Variants in SMURF1 observed in about 807,000 individuals in gnomAD.
SMURF1 encodes the protein E3 ubiquitin-protein ligase SMURF1.
A neutral mutation model predicts 98.0 loss-of-function variants in SMURF1; 44 were observed. That is an observed-to-expected ratio of 0.45 (90% CI 0.35 to 0.58). The LOEUF (loss-of-function observed/expected upper bound fraction) is 0.58. SMURF1 is among the 20% of genes least tolerant of loss of function. SMURF1 has a pLI of 0.00. For missense variants in SMURF1, 687 were observed against 938.4 expected (o/e 0.73, Z 3.50); for synonymous variants, 396 against 374.9 (o/e 1.06, Z -0.65).
chr7:99,056,018 A>T (rs975536338), intron 5 of SMURF1, among the ~76,000 whole-genome samples: 3 of 152,246 alleles, frequency 2.0e-5, no homozygotes, highest in African/African-American at 7.2e-5. Flanking sequence ...TGCAAAGTCT[A>T]AGTGAATCTA....
intron 10 of SMURF1, among the ~76,000 whole-genome samples, chr7:99,046,824 A>G (rs2150520191): frequency 6.6e-6 from 1 of 151,974 alleles, no homozygotes; most frequent in South Asian, 2.1e-4. Context: ...TCAGTACTTC[A>G]GCGCTTTTCT....
chr7:99,129,146 AT>A (rs1196235657), intron 1 of SMURF1, among the ~76,000 whole-genome samples: 1 of 152,106 alleles, frequency 6.6e-6, no homozygotes, highest in Middle Eastern at 3.2e-3. Context: ...TTCAAGACAC[AT>A]TTTTTCATAT....
intron 14 of SMURF1, among the ~76,000 whole-genome samples, chr7:99,037,608 C>T (rs1795196334): frequency 6.6e-6 from 1 of 152,244 alleles, no homozygotes; most frequent in Non-Finnish European, 1.5e-5. Flanking sequence ...CCCCGGATCT[C>T]TCCAAGACAG....
chr7:99,142,276 T>A (rs2150661573), intron 1 of SMURF1, among the ~76,000 whole-genome samples: 1 of 152,206 alleles, frequency 6.6e-6, no homozygotes, highest in Middle Eastern at 3.4e-3. Context: ...TTCCAAAGCC[T>A]CCAGTGAGTG....
chr7:99,049,090 CAA>C (rs548044588), intron 9 of SMURF1: 80 of 69,394 alleles, frequency 1.2e-3, no homozygotes, highest in Non-Finnish European at 1.5e-3. Context: ...GACTCTGTCT[CAA>C]AAAAAAAAAA....
chr7:99,117,888 T>C (rs1797497529), intron 1 of SMURF1, among the ~76,000 whole-genome samples: 1 of 151,920 alleles, frequency 6.6e-6, no homozygotes, highest in South Asian at 2.1e-4. Context: ...AAGACCAGCC[T>C]GACCAACATG....
In SMURF1 at chr7:99,029,180, A is replaced by T. The variant is rs1794798858; in HGVS notation, c.*1404T>A. On this transcript the variant is annotated 3_prime_UTR_variant, in exon 18 of 18. Coordinates refer to ENST00000361368, the MANE Select transcript of SMURF1 (RefSeq NM_181349.3). ...TCAGACCCACAGCGGGATCCCAGAG[A>T]CTTCGACAGCAGTGAAATGTCTTGC... 2 of 152,718 alleles carry T rather than the reference A, an allele frequency of 1.3e-5. No homozygotes were observed. The highest frequency in any genetic ancestry group is 4.8e-5 in the African/African-American group (2 of 41,456). The allele number at this position is 152,718 out of a possible 1,614,324, so 9.5% of individuals were successfully genotyped here.
intron 1 of SMURF1, among the ~76,000 whole-genome samples, chr7:99,072,081 T>TAAAAAAAAAAAAAAAAAAAAAA (rs1796337548): frequency 2.6e-5 from 4 of 151,306 alleles, no homozygotes; most frequent in Admixed American, 6.6e-5. Flanking sequence ...GCCGTCTCTT[T>TAAAAAAAAAAAAAAAAAAAAAA]AAAAGAATAA....
chr7:99,035,208 G>A (rs1795089821), intron 16 of SMURF1, among the ~76,000 whole-genome samples: 1 of 152,180 alleles, frequency 6.6e-6, no homozygotes, highest in South Asian at 2.1e-4. Flanking sequence ...GGCTAAGCTG[G>A]CCTCACAGAC....
At chr7:99,050,167 A>G (rs146853024) in intron 8 of SMURF1, 2,051 of 153,580 alleles carry the variant, frequency 0.013, 41 homozygotes, top group African/African-American at 0.047. Context: ...AGATCACGCC[A>G]TTGCACTCCA....
Position 99,060,655 on chromosome 7 carries a change from G to A in SMURF1, c.147C>T (p.His49=), listed in dbSNP as rs762716517. 2.6e-5 allele frequency: 42 copies of A among 1,613,954 alleles called. No homozygotes were observed. The Middle Eastern group carries it at 4.9e-4, about 19-fold the overall frequency. Residue 49 remains histidine, a synonymous_variant, in exon 3 of 18, where the codon CAC becomes CAT. Coordinates refer to ENST00000361368, the MANE Select transcript of SMURF1 (RefSeq NM_181349.3). ...ATGTGTTTTTCACAGTGTCGGTTGA[G>A]TGGCACTGCCCAGACCCATCCACGA... ...KIVVDGSGQC[H]STDTVKNTLD...
rs1292018780 is a variant in SMURF1 at position 99,028,379 on chromosome 7, G to A, written c.*2205C>T. On this transcript the variant is annotated 3_prime_UTR_variant, in exon 18 of 18. Transcript: ENST00000361368. ...GGTCTGCGACACTCACACAACCGAT[G>A]ACAAGGCGGCAAACCCACACGCAGG... The A allele has an allele frequency of 3.9e-5, 6 of 152,312 alleles. No individual in the cohort carries two copies. Among genetic ancestry groups the A allele is most frequent in the Non-Finnish European group, 1.5e-5 (1 of 68,156 alleles). The allele number at this position is 152,312 out of a possible 1,614,324, so 9.4% of individuals were successfully genotyped here.
intron 1 of SMURF1, among the ~76,000 whole-genome samples, chr7:99,075,213 G>C (rs1389912022): frequency 6.6e-6 from 1 of 152,118 alleles, no homozygotes; most frequent in African/African-American, 2.4e-5. Context: ...CAACCTCCCA[G>C]GTTCAAGCGA....
At chr7:99,079,177 T>G (rs1796527644) in intron 1 of SMURF1, among the ~76,000 whole-genome samples, 1 of 152,226 alleles carries the variant, frequency 6.6e-6, no homozygotes, top group Admixed American at 6.5e-5. Flanking sequence ...GGGCAGGGCG[T>G]GTGGCCACAG....
intron 1 of SMURF1, among the ~76,000 whole-genome samples, chr7:99,114,554 A>G (rs1186653552): frequency 6.6e-6 from 1 of 152,208 alleles, no homozygotes; most frequent in Non-Finnish European, 1.5e-5. Context: ...CTCTACAATA[A>G]TTGTTGGAGA....
At chr7:99,038,616 C>T (rs564585013) in intron 13 of SMURF1, 91 bp from the exon 14 acceptor site, 50 of 1,494,824 alleles carry the variant, frequency 3.3e-5, no homozygotes, top group Admixed American at 1.6e-4. Context: ...CTGCCAAACC[C>T]GGGGCTGCAA....
intron 1 of SMURF1, among the ~76,000 whole-genome samples, chr7:99,068,377 G>A (rs1796245665): frequency 6.6e-6 from 1 of 152,182 alleles, no homozygotes. Flanking sequence ...TGCAGCCTCA[G>A]ACTCTTGGGC....
At chr7:99,124,701 G>A (rs369598381) in intron 1 of SMURF1, among the ~76,000 whole-genome samples, 2 of 151,980 alleles carry the variant, frequency 1.3e-5, no homozygotes, top group East Asian at 1.9e-4. Context: ...TTGACTGGAG[G>A]AGCCACAGTT....
intron 1 of SMURF1, among the ~76,000 whole-genome samples, chr7:99,081,757 A>G (rs1328682408): frequency 1.3e-5 from 2 of 152,160 alleles, no homozygotes; most frequent in Non-Finnish European, 2.9e-5. Flanking sequence ...GGTTCAAGCT[A>G]TTCTCCTGCC....
Sources: gnomAD v4.1 joint callset for allele counts (sites outside exome capture counted in the v4.1 genomes callset) on GRCh38, gnomAD v4.1.1 for gene constraint, MANE v1.5 for transcripts, NCBI Gene and HGNC (gene_info 2026-07-23, HGNC 2026-07-21) for gene names.